Variants in AGAP1 observed in about 807,000 individuals in gnomAD.
AGAP1 encodes ArfGAP with GTPase domain, ankyrin repeat and PH domain 1.
AGAP1 carries 29 observed loss-of-function variants against 105.3 expected under a neutral mutation model. That is an observed-to-expected ratio of 0.28 (90% CI 0.21 to 0.38). The LOEUF (loss-of-function observed/expected upper bound fraction) is 0.38, where lower values mean the gene tolerates loss of function less well. Ranked by LOEUF, AGAP1 falls within the 10% of genes least tolerant of loss-of-function variation. The probability of loss-of-function intolerance (pLI) is 1.00; values close to 1 mark genes in which losing one functional copy is unlikely to be tolerated. For synonymous variants in AGAP1, 509 were observed against 485.9 expected (o/e 1.05, Z -0.63); for missense variants, 998 against 1,165.1 (o/e 0.86, Z 2.09).
In AGAP1 at chr2:235,609,522, G is replaced by C. The variant is rs1400159402; in HGVS notation, c.164-99657G>C. On this transcript the variant is annotated intron_variant, in intron 1 of 17. Coordinates refer to ENST00000304032, the MANE Select transcript of AGAP1 (RefSeq NM_001037131.3). This position sits in a 1 kb window ranked among gnomAD's most constrained non-coding sequence, Gnocchi z 5.1. The stretch of plus-strand genomic sequence containing the variant: ...GGGGAAGGCAGGCTGGGCGTGCTGT[G>C]GTTATAGGCAGCCTACATGTCTTGA... 6.6e-6 allele frequency among the ~76,000 whole-genome samples: 1 copy of C among 152,092 alleles called. No homozygotes were observed. The highest frequency in any genetic ancestry group is 1.5e-5 in the Non-Finnish European group (1 of 68,024).
intron 1 of AGAP1, among the ~76,000 whole-genome samples, chr2:235,548,258 T>C (rs1208503715): frequency 6.6e-6 from 1 of 152,198 alleles, no homozygotes; most frequent in African/African-American, 2.4e-5. Flanking sequence ...GTAGTGTCGC[T>C]CATGTAAAAT....
chr2:235,882,361 C>G lies in AGAP1; in HGVS notation c.1051-984C>G, dbSNP rs981058621. ...ACGAGGGCAGGAAATCCTCCGGGCTCTTAGGAAATTTCACTCCGCTTCTGC... is the reference window on the plus strand; with the variant it reads ...ACGAGGGCAGGAAATCCTCCGGGCTGTTAGGAAATTTCACTCCGCTTCTGC... On this transcript the variant is annotated intron_variant, in intron 9 of 17. Coordinates refer to ENST00000304032, the MANE Select transcript of AGAP1 (RefSeq NM_001037131.3). The surrounding 1 kb of genome is among the most constrained non-coding windows in gnomAD (Gnocchi z 4.6). 21 of 1,401,822 alleles carry G rather than the reference C, an allele frequency of 1.5e-5. No homozygotes were observed. Among genetic ancestry groups the G allele is most frequent in the African/African-American group, 4.3e-5 (3 of 69,764 alleles). 86.8% of individuals were successfully genotyped at this position (1,401,822 alleles called of 1,614,324 possible). A position where few individuals can be genotyped will look rare whatever the true frequency, so the allele number is the denominator to read the frequency against.
intron 13 of AGAP1, among the ~76,000 whole-genome samples, chr2:235,999,329 GTGATGA>G (rs1300722877): frequency 2.2e-5 from 3 of 136,462 alleles, no homozygotes; most frequent in Non-Finnish European, 3.1e-5. Flanking sequence ...GGTGGTGGTG[GTGATGA>G]TGATAGTGGT....
In AGAP1 at chr2:236,087,347, A is replaced by C. The variant is rs748341086; in HGVS notation, c.2115-32845A>C. ...GAGCGGGGGCTAGCTGTGGGTGTTC[A>C]TTGAAAGAGTCCAGGTCCCCGACAG... On this transcript the variant is annotated intron_variant, in intron 16 of 17. Coordinates refer to ENST00000304032, the MANE Select transcript of AGAP1 (RefSeq NM_001037131.3). The surrounding 1 kb of genome is among the most constrained non-coding windows in gnomAD (Gnocchi z 5.7). Among the ~76,000 whole-genome samples the C allele has an allele frequency of 3.3e-5, 5 of 152,126 alleles. No individual in the cohort carries two copies. The highest frequency in any genetic ancestry group is 1.5e-5 in the Non-Finnish European group (1 of 68,028).
chr2:235,806,537 G>A lies in AGAP1; in HGVS notation c.958-702G>A, dbSNP rs537078916. 6.6e-5 allele frequency among the ~76,000 whole-genome samples: 10 copies of A among 152,236 alleles called. No individual in the cohort carries two copies. In the East Asian group the frequency reaches 9.7e-4, roughly 15 times the overall value. On this transcript the variant is annotated intron_variant, in intron 8 of 17. Coordinates refer to ENST00000304032, the MANE Select transcript of AGAP1 (RefSeq NM_001037131.3). ...CCTTCCTGCCCGGTGGCAGCCACTC[G>A]TCGTCCGCAGCACGTCAGCAGTGCA...
At chr2:235,630,463 G>A (rs1403071999) in intron 1 of AGAP1, among the ~76,000 whole-genome samples, 2 of 152,064 alleles carry the variant, frequency 1.3e-5, no homozygotes, top group Non-Finnish European at 2.9e-5. Flanking sequence ...CACCTGCCTC[G>A]GCCTCCCAAA....
chr2:235,830,016 TAC>T lies in AGAP1; in HGVS notation c.1050+22689_1050+22690del. Reference sequence around the variant, plus strand: ...ACATGGGGACCAGGACACCTGGACATACACAGTCAGAAGGAAGACTGGGGGTC... The same window carrying T: ...ACATGGGGACCAGGACACCTGGACATACAGTCAGAAGGAAGACTGGGGGTC... On this transcript the variant is annotated intron_variant, in intron 9 of 17. Transcript: ENST00000304032. This position sits in a 1 kb window ranked among gnomAD's most constrained non-coding sequence, Gnocchi z 5.5. Among the ~76,000 whole-genome samples the T allele has an allele frequency of 6.6e-6, 1 of 152,118 alleles. No homozygotes were observed. Among genetic ancestry groups the T allele is most frequent in the East Asian group, 1.9e-4 (1 of 5,176 alleles).
intron 16 of AGAP1, among the ~76,000 whole-genome samples, chr2:236,108,030 C>T (rs1278954827): frequency 2.0e-5 from 3 of 152,178 alleles, no homozygotes; most frequent in East Asian, 3.8e-4. Context: ...TGTCCACTGC[C>T]TCCTCCTCCC....
chr2:235,856,332 T>C (rs1227360795), intron 9 of AGAP1, among the ~76,000 whole-genome samples: 2 of 152,226 alleles, frequency 1.3e-5, no homozygotes, highest in Non-Finnish European at 2.9e-5. Flanking sequence ...TATAAGAAAA[T>C]GTGATTCGCT....
intron 1 of AGAP1, among the ~76,000 whole-genome samples, chr2:235,594,883 G>GTTTTTTTTTT (rs34386154): frequency 1.4e-4 from 15 of 109,902 alleles, no homozygotes; most frequent in East Asian, 2.8e-4. Context: ...CCAGATTGCT[G>GTTTTTTTTTT]TTTTTTTTTT....
intron 9 of AGAP1, among the ~76,000 whole-genome samples, chr2:235,818,547 ATTC>A (rs1396267392): frequency 6.6e-6 from 1 of 152,212 alleles, no homozygotes; most frequent in Non-Finnish European, 1.5e-5. Context: ...GATTCAAGCT[ATTC>A]TTCTGCCTCA....
chr2:235,675,543 A>C (rs1948692311), intron 1 of AGAP1, among the ~76,000 whole-genome samples: 1 of 152,146 alleles, frequency 6.6e-6, no homozygotes, highest in Non-Finnish European at 1.5e-5. Context: ...TTTTGAACTG[A>C]TTAGTCTTTT....
chr2:235,538,425 CTATGTGTGTG>C (rs1943312462), intron 1 of AGAP1, among the ~76,000 whole-genome samples: 1 of 28,586 alleles, frequency 3.5e-5, no homozygotes, highest in Non-Finnish European at 6.5e-5. Context: ...ACCTCAGCCA[CTATGTGTGTG>C]TGTGTGTGTG....
intron 12 of AGAP1, among the ~76,000 whole-genome samples, chr2:235,946,458 A>G (rs2125241495): frequency 1.3e-5 from 2 of 152,204 alleles, no homozygotes; most frequent in East Asian, 3.9e-4. Context: ...GGCTTGAGCC[A>G]CTGTGCCCGG....
At chr2:235,648,703 C>G (rs1160418880) in intron 1 of AGAP1, among the ~76,000 whole-genome samples, 1 of 89,954 alleles carries the variant, frequency 1.1e-5, no homozygotes, top group Non-Finnish European at 2.1e-5. Flanking sequence ...GAAACCCCAT[C>G]TCTACAAAAA....
intron 3 of AGAP1, among the ~76,000 whole-genome samples, chr2:235,731,194 A>C (rs1216283541): frequency 2.6e-5 from 4 of 152,198 alleles, no homozygotes; most frequent in Non-Finnish European, 5.9e-5. Context: ...AGAAACAGGC[A>C]CAGGCCCTTG....
In AGAP1 at chr2:235,993,543, G is replaced by A. The variant is rs1378079157; in HGVS notation, c.1645+24920G>A. 6.6e-6 allele frequency among the ~76,000 whole-genome samples: 1 copy of A among 152,186 alleles called. No individual in the cohort carries two copies. The highest frequency in any genetic ancestry group is 1.5e-5 in the Non-Finnish European group (1 of 68,036). On this transcript the variant is annotated intron_variant, in intron 13 of 17. Transcript: ENST00000304032. This position sits in a 1 kb window ranked among gnomAD's most constrained non-coding sequence, Gnocchi z 5.0. Reference sequence around the variant, plus strand: ...GATGTATTTCTTTTCTGCAAGTATGGTTTTGTGTGATAGAAACCAATGCTT... The same window carrying A: ...GATGTATTTCTTTTCTGCAAGTATGATTTTGTGTGATAGAAACCAATGCTT...
chr2:236,099,265 A>T (rs1559273998), intron 16 of AGAP1, among the ~76,000 whole-genome samples: 4 of 152,060 alleles, frequency 2.6e-5, no homozygotes, highest in Admixed American at 2.6e-4. Context: ...ATCCTGACTA[A>T]CAGGGTGAAA....
At chr2:235,897,185 C>T (rs2050848052) in intron 10 of AGAP1, among the ~76,000 whole-genome samples, 1 of 152,112 alleles carries the variant, frequency 6.6e-6, no homozygotes, top group African/African-American at 2.4e-5. Context: ...AGGGTTCAAG[C>T]AATTCCACCA....
Sources: allele counts gnomAD v4.1 joint callset (sites outside exome capture counted in the v4.1 genomes callset), GRCh38; gene constraint gnomAD v4.1.1; non-coding constraint Gnocchi (gnomAD v3.1); transcripts MANE v1.5; gene names NCBI Gene and HGNC (gene_info 2026-07-23, HGNC 2026-07-21).